Variants in ANKS1B observed in about 807,000 individuals in gnomAD.
The protein encoded by ANKS1B is ankyrin repeat and sterile alpha motif domain-containing protein 1B.
In ANKS1B, 36 loss-of-function variants were observed where a neutral mutation model predicts 148.3. That is an observed-to-expected ratio of 0.24 (90% confidence interval 0.19 to 0.32). ANKS1B has a LOEUF of 0.32. Among genes scored for constraint, ANKS1B ranks in the 10% least tolerant of loss-of-function variants. The pLI is 1.00. For missense variants in ANKS1B, 1,157 were observed against 1,542.6 expected (o/e 0.75, Z 4.19); for synonymous variants, 542 against 560.8 (o/e 0.97, Z 0.47).
At chr12:99,893,309 G>T (rs1236581371) in intron 1 of ANKS1B, among the ~76,000 whole-genome samples, 1 of 151,874 alleles carries the variant, frequency 6.6e-6, no homozygotes, top group African/African-American at 2.4e-5. Context: ...CACTCAGGAG[G>T]CTGAGGCAGG....
At chr12:98,827,801 T>C (rs1055542209) in intron 19 of ANKS1B, among the ~76,000 whole-genome samples, 1 of 152,134 alleles carries the variant, frequency 6.6e-6, no homozygotes, top group Non-Finnish European at 1.5e-5. Context: ...AGGGAAGAAA[T>C]GGGCTCAGAA....
chr12:99,735,084 C>A (rs1485330158), intron 8 of ANKS1B, among the ~76,000 whole-genome samples: 1 of 152,106 alleles, frequency 6.6e-6, no homozygotes, highest in Non-Finnish European at 1.5e-5. Context: ...TACTATTTTG[C>A]TCTTATAATC....
chr12:99,199,115 T>C (rs1161447376), intron 14 of ANKS1B, among the ~76,000 whole-genome samples: 2 of 152,162 alleles, frequency 1.3e-5, no homozygotes, highest in African/African-American at 4.8e-5. Context: ...AACTTTCAGA[T>C]GACTGCATCC....
At chr12:99,942,391 C>T (rs2094941803) in intron 1 of ANKS1B, among the ~76,000 whole-genome samples, 1 of 152,116 alleles carries the variant, frequency 6.6e-6, no homozygotes, top group Non-Finnish European at 1.5e-5. Context: ...TAAGGGAAAA[C>T]TCAGTTTGCA....
chr12:99,904,026 C>T (rs2093692631), intron 1 of ANKS1B, among the ~76,000 whole-genome samples: 1 of 152,132 alleles, frequency 6.6e-6, no homozygotes, highest in African/African-American at 2.4e-5. Flanking sequence ...GATAGCACTA[C>T]CAACACTACC....
intron 12 of ANKS1B, among the ~76,000 whole-genome samples, chr12:99,349,970 A>G (rs1464055335): frequency 2.0e-5 from 3 of 152,054 alleles, no homozygotes; most frequent in African/African-American, 2.4e-5. Context: ...ATTTTATCAC[A>G]ATAAAAAACG....
intron 12 of ANKS1B, among the ~76,000 whole-genome samples, chr12:99,373,756 T>G (rs73151119): frequency 0.13 from 19,018 of 152,114 alleles, 1,260 homozygotes; most frequent in African/African-American, 0.17. Flanking sequence ...GACAAATCAT[T>G]ACCAACAAAT....
At position 99,356,941 on chromosome 12, in the gene ANKS1B, T is replaced by G. The variant is rs1310825105; in HGVS notation, c.1756+42690A>C. ...TTGGTCCATATTCTTCTAGACTTTTTTTTTTTTGGCTACTCATGTATTCAT... is the reference window on the plus strand; with the variant it reads ...TTGGTCCATATTCTTCTAGACTTTTGTTTTTTTGGCTACTCATGTATTCAT... On this transcript the variant is annotated intron_variant, in intron 12 of 26. Coordinates refer to ENST00000683438, the MANE Select transcript of ANKS1B (RefSeq NM_001352186.2). Among the ~76,000 whole-genome samples, 4 of 152,004 alleles carry G rather than the reference T, an allele frequency of 2.6e-5. No individual in the cohort carries two copies. In the East Asian group the frequency reaches 7.7e-4, roughly 29 times the overall value.
chr12:98,935,346 C>T (rs527856300), intron 17 of ANKS1B, among the ~76,000 whole-genome samples: 1 of 152,174 alleles, frequency 6.6e-6, no homozygotes, highest in Admixed American at 6.5e-5. Flanking sequence ...GTGTATGATC[C>T]TTTTAATGTG....
intron 8 of ANKS1B, chr12:99,706,591 C>T (rs1369056508): frequency 6.6e-6 from 1 of 151,962 alleles, no homozygotes; most frequent in Non-Finnish European, 1.5e-5. Flanking sequence ...TTGTGTAATC[C>T]CCTCCCCTTG....
At chr12:99,865,109 G>T (rs529904195) in intron 1 of ANKS1B, among the ~76,000 whole-genome samples, 125 of 152,328 alleles carry the variant, frequency 8.2e-4, no homozygotes, top group Middle Eastern at 3.4e-3. Flanking sequence ...TCCTACACAT[G>T]CAAATAATAT....
intron 25 of ANKS1B, among the ~76,000 whole-genome samples, chr12:98,765,752 T>A (rs2098472033): frequency 6.6e-6 from 1 of 151,976 alleles, no homozygotes; most frequent in African/African-American, 2.4e-5. Context: ...TGCACCACCA[T>A]GCCAGGCTAA....
At chr12:99,176,666 G>A (rs1291608536) in intron 14 of ANKS1B, among the ~76,000 whole-genome samples, 1 of 152,128 alleles carries the variant, frequency 6.6e-6, no homozygotes, top group Non-Finnish European at 1.5e-5. Context: ...AATGGCTTGG[G>A]CCATCCCCTT....
intron 17 of ANKS1B, among the ~76,000 whole-genome samples, chr12:98,832,409 A>G (rs1373903309): frequency 6.6e-6 from 1 of 152,118 alleles, no homozygotes; most frequent in Non-Finnish European, 1.5e-5. Context: ...CAGCAGCCTC[A>G]AGAGAAACCA....
chr12:98,885,844 G>A lies in ANKS1B; in HGVS notation c.2779-53708C>T, dbSNP rs535560781. 8.5e-5 allele frequency among the ~76,000 whole-genome samples: 13 copies of A among 152,256 alleles called. No homozygotes were observed. In the East Asian group the frequency reaches 2.3e-3, roughly 27 times the overall value. ...GTTGCAGAAAAGTGGATAGATCCAA[G>A]CAATAAAACATAGCTCAAAGAGGAA... On this transcript the variant is annotated intron_variant, in intron 17 of 26. Coordinates refer to ENST00000683438, the MANE Select transcript of ANKS1B (RefSeq NM_001352186.2).
intron 12 of ANKS1B, among the ~76,000 whole-genome samples, chr12:99,253,236 A>G (rs2074851663): frequency 6.6e-6 from 1 of 151,926 alleles, no homozygotes. Flanking sequence ...GAAAAAAAAA[A>G]AAGGCAGTGG....
At chr12:99,453,089 G>C (rs908816143) in intron 10 of ANKS1B, among the ~76,000 whole-genome samples, 1 of 152,034 alleles carries the variant, frequency 6.6e-6, no homozygotes, top group Non-Finnish European at 1.5e-5. Context: ...AGGAGATCGA[G>C]ACCATCCTGG....
At chr12:98,930,596 T>C (rs1378768797) in intron 17 of ANKS1B, among the ~76,000 whole-genome samples, 1 of 152,150 alleles carries the variant, frequency 6.6e-6, no homozygotes, top group Non-Finnish European at 1.5e-5. Context: ...GATAAAAATT[T>C]GTCAATAAAA....
intron 12 of ANKS1B, among the ~76,000 whole-genome samples, chr12:99,292,057 G>C (rs1183838021): frequency 6.6e-6 from 1 of 152,084 alleles, no homozygotes; most frequent in Non-Finnish European, 1.5e-5. Context: ...AAAAACCCTA[G>C]AAGAAAACCT....
Sources: allele counts gnomAD v4.1 joint callset (sites outside exome capture counted in the v4.1 genomes callset), GRCh38; gene constraint gnomAD v4.1.1; transcripts MANE v1.5; gene names NCBI Gene and HGNC (gene_info 2026-07-23, HGNC 2026-07-21).